The following TSEN2 variants were observed in gnomAD, a reference collection of about 807,000 sequenced individuals.
The protein encoded by TSEN2 is tRNA splicing endonuclease subunit 2.
In TSEN2, 54 loss-of-function variants were observed where a neutral mutation model predicts 59.2. That is an observed-to-expected ratio of 0.91 (90% confidence interval 0.73 to 1.14). The LOEUF (loss-of-function observed/expected upper bound fraction) is 1.14, where lower values mean the gene tolerates loss of function less well. Ranked by LOEUF, TSEN2 falls within the 50% of genes most tolerant of loss-of-function variation. The pLI, the probability that TSEN2 is intolerant of heterozygous loss-of-function variation, is 0.00. For synonymous variants in TSEN2, 195 were observed against 198.2 expected, an observed-to-expected ratio of 0.98 and a Z score of 0.14; for missense variants, 636 against 576.2, an observed-to-expected ratio of 1.10 and a Z score of -1.06.
intron 8 of TSEN2, among the ~76,000 whole-genome samples, chr3:12,524,739 C>CTTTTTTTT (rs746602626): frequency 2.3e-5 from 3 of 131,788 alleles, no homozygotes; most frequent in African/African-American, 2.9e-5. Context: ...TCTTTGGTCT[C>CTTTTTTTT]TTTTTTTTTT....
chr3:12,512,342 G>A (rs1050108203), intron 6 of TSEN2, among the ~76,000 whole-genome samples: 8 of 152,208 alleles, frequency 5.3e-5, no homozygotes, highest in South Asian at 2.1e-4. Flanking sequence ...GGGAGGGCTA[G>A]CACTCACATG....
rs1417278861 is a variant in TSEN2 at position 12,505,185 on chromosome 3, G to T, written c.863G>T (p.Arg288Ile). 1.4e-5 allele frequency: 22 copies of T among 1,611,918 alleles called. No homozygotes were observed. The highest frequency in any genetic ancestry group is 1.8e-5 in the Non-Finnish European group (21 of 1,178,060). ...LVQRNRLICR[R>I]NPYRIFEYLQ... is the part of the protein sequence containing the mutation. ...CAAAGAAACAGGTTAATATGCAGAA[G>T]AAATCCATATAGGATCTTTGAGTAT... Residue 288 changes from arginine (R) to isoleucine (I), a missense_variant, in exon 6 of 12, where the codon AGA (arginine) becomes ATA (isoleucine). Coordinates refer to ENST00000284995, the MANE Select transcript of TSEN2 (RefSeq NM_025265.4).
rs777647749 is a variant in TSEN2, at chr3:12,533,237, G to A, written c.*516G>A. On this transcript the variant is annotated 3_prime_UTR_variant, in exon 12 of 12. Coordinates refer to ENST00000284995, the MANE Select transcript of TSEN2 (RefSeq NM_025265.4). Reference sequence around the variant, plus strand: ...ACTGCACTTGTTATAAAAATGAGTGGTGAAATAATGTTTGGAGACATAATG... The same window carrying A: ...ACTGCACTTGTTATAAAAATGAGTGATGAAATAATGTTTGGAGACATAATG... The A allele has an allele frequency of 6.4e-6, 1 of 156,632 alleles. No individual in the cohort carries two copies. The highest frequency in any genetic ancestry group is 1.9e-4 in the South Asian group (1 of 5,214). 9.7% of individuals were successfully genotyped at this position (156,632 alleles called of 1,614,324 possible). A position where few individuals can be genotyped will look rare whatever the true frequency, so the allele number is the denominator to read the frequency against.
upstream of TSEN2, chr3:12,484,335 T>C (rs1171784940): frequency 6.6e-6 from 1 of 152,316 alleles, no homozygotes; most frequent in Non-Finnish European, 1.5e-5. Context: ...TACTCCGCAG[T>C]GGCAGAGCTG....
chr3:12,526,751 A>C (rs967776325), intron 8 of TSEN2, among the ~76,000 whole-genome samples: 1 of 152,216 alleles, frequency 6.6e-6, no homozygotes, highest in Non-Finnish European at 1.5e-5. Context: ...TGGTCTTGGC[A>C]CTGCTGACTT....
chr3:12,527,755 G>A (rs573098101), intron 8 of TSEN2, among the ~76,000 whole-genome samples: 1 of 152,300 alleles, frequency 6.6e-6, no homozygotes, highest in South Asian at 2.1e-4. Context: ...AGATGCTTTA[G>A]TAACTGCTTC....
chr3:12,525,719 A>T (rs1261990006), intron 8 of TSEN2, among the ~76,000 whole-genome samples: 2 of 151,312 alleles, frequency 1.3e-5, no homozygotes, highest in Non-Finnish European at 3.0e-5. Context: ...ACCACAGCTA[A>T]TTTTTTTTTA....
Position 12,520,273 on chromosome 3 carries a change from T to C in TSEN2, c.1099+1076T>C, listed in dbSNP as rs549009752. On this transcript the variant is annotated intron_variant, in intron 8 of 11. Coordinates refer to ENST00000284995, the MANE Select transcript of TSEN2 (RefSeq NM_025265.4). Reference sequence around the variant, plus strand: ...TCAGCTTCCCAAAGTGCTGGGATTATAGGTGTGAGCCACCATGCCGGCCGT... The same window carrying C: ...TCAGCTTCCCAAAGTGCTGGGATTACAGGTGTGAGCCACCATGCCGGCCGT... Among the ~76,000 whole-genome samples the C allele has an allele frequency of 2.6e-5, 4 of 152,224 alleles. No individual in the cohort carries two copies. The South Asian group carries it at 8.3e-4, about 32-fold the overall frequency.
intron 2 of TSEN2, among the ~76,000 whole-genome samples, chr3:12,491,651 T>TA (rs746969586): frequency 2.6e-5 from 4 of 152,174 alleles, no homozygotes; most frequent in Non-Finnish European, 5.9e-5. Flanking sequence ...AGAAAGGTGT[T>TA]ACGCTAAGAA....
At chr3:12,493,518 G>C (rs1303066274) in intron 3 of TSEN2, among the ~76,000 whole-genome samples, 2 of 152,176 alleles carry the variant, frequency 1.3e-5, no homozygotes, top group African/African-American at 4.8e-5. Context: ...CATGAGGTCA[G>C]GAGTTCGAGA....
At chr3:12,512,883 A>G (rs1369598655) in intron 6 of TSEN2, among the ~76,000 whole-genome samples, 2 of 152,194 alleles carry the variant, frequency 1.3e-5, no homozygotes, top group African/African-American at 2.4e-5. Flanking sequence ...CTATTTTTCC[A>G]TTACAACACT....
upstream of TSEN2, among the ~76,000 whole-genome samples, chr3:12,482,207 C>A (rs2052201318): frequency 1.3e-5 from 2 of 152,304 alleles, no homozygotes; most frequent in African/African-American, 2.4e-5. Flanking sequence ...CCACAACCTC[C>A]ACCTCCCCGG....
At chr3:12,488,508 C>G (rs1269657223) in intron 1 of TSEN2, among the ~76,000 whole-genome samples, 3 of 152,218 alleles carry the variant, frequency 2.0e-5, no homozygotes, top group African/African-American at 7.2e-5. Context: ...TTAAGTGCAT[C>G]TACTGTATCT....
At chr3:12,504,084 G>T (rs1018667611) in intron 5 of TSEN2, among the ~76,000 whole-genome samples, 9 of 152,200 alleles carry the variant, frequency 5.9e-5, no homozygotes, top group Admixed American at 1.3e-4. Flanking sequence ...AGCAAGAAGG[G>T]CTCACGTGTG....
At chr3:12,523,949 G>A (rs1209974038) in intron 8 of TSEN2, among the ~76,000 whole-genome samples, 1 of 152,150 alleles carries the variant, frequency 6.6e-6, no homozygotes, top group Non-Finnish European at 1.5e-5. Context: ...TAATCCGTAA[G>A]TATTTTTCAT....
intron 4 of TSEN2, among the ~76,000 whole-genome samples, chr3:12,501,666 A>G (rs2054294936): frequency 1.3e-5 from 2 of 151,860 alleles, no homozygotes; most frequent in African/African-American, 4.8e-5. Context: ...ATCTTTGCAC[A>G]GGGGCCATTC....
At chr3:12,487,335 TAC>T (rs1202872828) in intron 1 of TSEN2, among the ~76,000 whole-genome samples, 2 of 152,314 alleles carry the variant, frequency 1.3e-5, no homozygotes, top group South Asian at 2.1e-4. Context: ...TGGGTTGGAG[TAC>T]AGAGTTCTTT....
intron 2 of TSEN2, 138 bp from the exon 3 acceptor site, chr3:12,491,998 C>T (rs574730115): frequency 1.4e-6 from 1 of 702,018 alleles, no homozygotes; most frequent in East Asian, 2.7e-5. Flanking sequence ...AGGGACTCGA[C>T]CATCTGCCGA....
chr3:12,494,573 G>A (rs554571366), intron 3 of TSEN2, among the ~76,000 whole-genome samples: 1 of 151,828 alleles, frequency 6.6e-6, no homozygotes, highest in African/African-American at 2.4e-5. Context: ...GCTAATTTTT[G>A]TATTTTTAGT....
Sources: gnomAD v4.1 joint callset for allele counts (sites outside exome capture counted in the v4.1 genomes callset) on GRCh38, gnomAD v4.1.1 for gene constraint, MANE v1.5 for transcripts, NCBI Gene and HGNC (gene_info 2026-07-23, HGNC 2026-07-21) for gene names.